MTCL3: variants seen among roughly 807,000 people sequenced by gnomAD.
MTCL3 encodes microtubule cross-linking factor 3.
the MTCL3 span, among the ~76,000 whole-genome samples, chr6:127,489,074 A>G: frequency 6.6e-6 from 1 of 152,212 alleles, no homozygotes; most frequent in Non-Finnish European, 1.5e-5. Context: ...CAATTTTTCT[A>G]AAAGCATGTG....
chr6:127,475,776 G>A, the MTCL3 span: 2 of 1,609,418 alleles, frequency 1.2e-6, no homozygotes, highest in Non-Finnish European at 8.5e-7. The surrounding 1 kb of genome is among the most constrained non-coding windows in gnomAD (Gnocchi z 7.3). Context: ...CGGCGTCGCT[G>A]TCGCGGGGGC....
At chr6:127,511,448 G>GA in the MTCL3 span, among the ~76,000 whole-genome samples, 1,171 of 152,134 alleles carry the variant, frequency 7.7e-3, 18 homozygotes, top group African/African-American at 0.027. Context: ...TAACTTTAGG[G>GA]AAAAAATCTT....
At chr6:127,473,599 G>A in the MTCL3 span, among the ~76,000 whole-genome samples, 5 of 152,010 alleles carry the variant, frequency 3.3e-5, no homozygotes, top group East Asian at 5.8e-4. Context: ...GAGTATAACC[G>A]AATACATATC....
the MTCL3 span, among the ~76,000 whole-genome samples, chr6:127,500,033 A>G: frequency 1.3e-5 from 2 of 152,272 alleles, no homozygotes; most frequent in African/African-American, 2.4e-5. Flanking sequence ...TTCCAAGAGT[A>G]GCAAGATTTT....
chr6:127,481,564 T>C, the MTCL3 span: 1 of 761,530 alleles, frequency 1.3e-6, no homozygotes, highest in Non-Finnish European at 1.6e-6. Context: ...TTAAAAAATG[T>C]CTGAGATCAA....
the MTCL3 span, among the ~76,000 whole-genome samples, chr6:127,513,778 C>A: frequency 6.6e-6 from 1 of 152,098 alleles, no homozygotes; most frequent in Non-Finnish European, 1.5e-5. Flanking sequence ...CAGGCCTGGG[C>A]ACTTAACCTC....
chr6:127,475,374 C>T, the MTCL3 span: 157 of 1,613,362 alleles, frequency 9.7e-5, 1 homozygote, highest in Middle Eastern at 1.6e-4. The surrounding 1 kb of genome is among the most constrained non-coding windows in gnomAD (Gnocchi z 7.3). Flanking sequence ...AGGTCTGCAG[C>T]TCCTTGCGGA....
chr6:127,491,602 T>C, the MTCL3 span, among the ~76,000 whole-genome samples: 2 of 152,208 alleles, frequency 1.3e-5, no homozygotes, highest in Admixed American at 6.5e-5. Context: ...TGACTTGCTT[T>C]ACTGCTGTGG....
the MTCL3 span, among the ~76,000 whole-genome samples, chr6:127,491,516 T>C: frequency 5.3e-5 from 8 of 152,212 alleles, no homozygotes; most frequent in African/African-American, 1.9e-4. Context: ...TTAGATACCA[T>C]GTTATTGCAC....
the MTCL3 span, among the ~76,000 whole-genome samples, chr6:127,513,957 C>T: frequency 3.9e-5 from 6 of 152,112 alleles, no homozygotes; most frequent in Non-Finnish European, 8.8e-5. Flanking sequence ...AAAAGTAATA[C>T]GTCTTTCATA....
At chr6:127,474,920 C>G in the MTCL3 span, among the ~76,000 whole-genome samples, 2 of 152,186 alleles carry the variant, frequency 1.3e-5, no homozygotes, top group Non-Finnish European at 2.9e-5. Flanking sequence ...ATATTCCTAT[C>G]CAGGACCATC....
the MTCL3 span, chr6:127,514,908 C>T: frequency 6.2e-7 from 1 of 1,614,144 alleles, no homozygotes; most frequent in Non-Finnish European, 8.5e-7. Flanking sequence ...CTCGGCTTTG[C>T]GGAGGCGGTA....
chr6:127,478,094 G>A, the MTCL3 span, among the ~76,000 whole-genome samples: 1 of 152,348 alleles, frequency 6.6e-6, no homozygotes, highest in African/African-American at 2.4e-5. Context: ...AGCATCCAGA[G>A]AGGAGAAGAG....
the MTCL3 span, among the ~76,000 whole-genome samples, chr6:127,490,542 G>C: frequency 6.6e-6 from 1 of 151,784 alleles, no homozygotes; most frequent in African/African-American, 2.4e-5. Context: ...GATTGGGCCA[G>C]GCGCAGTGGC....
the MTCL3 span, among the ~76,000 whole-genome samples, chr6:127,504,904 C>T: frequency 6.6e-6 from 1 of 152,140 alleles, no homozygotes; most frequent in South Asian, 2.1e-4. Context: ...AGCCTGGCAG[C>T]CTTCCAGGGG....
chr6:127,487,993 A>G, the MTCL3 span, among the ~76,000 whole-genome samples: 2 of 152,168 alleles, frequency 1.3e-5, no homozygotes, highest in African/African-American at 4.8e-5. Context: ...GGTTCTGTCA[A>G]CTACCAGCCC....
chr6:127,515,209 G>A, the MTCL3 span, among the ~76,000 whole-genome samples: 7 of 152,050 alleles, frequency 4.6e-5, no homozygotes, highest in African/African-American at 1.7e-4. The surrounding 1 kb of genome is among the most constrained non-coding windows in gnomAD (Gnocchi z 4.3). Context: ...GGAAACTGGG[G>A]GAAAAAGGCC....
chr6:127,509,353 G>A, the MTCL3 span, among the ~76,000 whole-genome samples: 2 of 152,174 alleles, frequency 1.3e-5, no homozygotes, highest in African/African-American at 2.4e-5. Context: ...TAGATGTGAG[G>A]AGGTGCACAA....
At chr6:127,473,429 TTAA>T in the MTCL3 span, 10 of 1,414,892 alleles carry the variant, frequency 7.1e-6, no homozygotes, top group Non-Finnish European at 8.5e-6. Flanking sequence ...GAAGAGTTAA[TTAA>T]TAATAATCTT....
Sources: allele counts gnomAD v4.1 joint callset (sites outside exome capture counted in the v4.1 genomes callset), GRCh38; gene constraint gnomAD v4.1.1; non-coding constraint Gnocchi (gnomAD v3.1); transcripts MANE v1.5; gene names NCBI Gene and HGNC (gene_info 2026-07-23, HGNC 2026-07-21).